The following KRT222 variants were observed in gnomAD, a reference collection of about 807,000 sequenced individuals.
KRT222 encodes keratin-like protein KRT222.
Under a neutral mutation model 35.0 loss-of-function variants are expected in KRT222, and 23 were observed. That is an observed-to-expected ratio of 0.66 (90% CI 0.47 to 0.93). The LOEUF (loss-of-function observed/expected upper bound fraction) is 0.93, where lower values mean the gene tolerates loss of function less well. Among genes scored for constraint, KRT222 ranks in the 40% least tolerant of loss-of-function variants. The pLI, the probability that KRT222 is intolerant of heterozygous loss-of-function variation, is 0.00. For missense variants in KRT222, 339 were observed against 346.3 expected, an observed-to-expected ratio of 0.98 and a Z score of 0.17; for synonymous variants, 108 against 118.8, an observed-to-expected ratio of 0.91 and a Z score of 0.59.
intron 1 of KRT222, among the ~76,000 whole-genome samples, chr17:40,664,077 C>T (rs1255607716): frequency 6.6e-6 from 1 of 151,654 alleles, no homozygotes; most frequent in Non-Finnish European, 1.5e-5. Context: ...CATTTTTCTA[C>T]CAATTTTTTT....
intron 3 of KRT222, 101 bp downstream of exon 3, chr17:40,659,886 A>G: frequency 3.2e-6 from 3 of 924,298 alleles, no homozygotes; most frequent in Middle Eastern, 3.4e-4. Context: ...CACCATGATG[A>G]TGATGGGGTT....
Position 40,657,745 on chromosome 17 carries a change from T to C in KRT222, c.452A>G (p.Tyr151Cys). Reference sequence around the variant, plus strand: ...TTTTTTCCCACCTTGGATACAACCATAATATCTGAAATCAGAAAGAATTTT... The same window carrying C: ...TTTTTTCCCACCTTGGATACAACCACAATATCTGAAATCAGAAAGAATTTT... Reference protein sequence around the residue: ...HLLEKEEIRYYGCIQGGKKDK... With the variant: ...HLLEKEEIRYCGCIQGGKKDK... Residue 151 changes from tyrosine (Y) to cysteine (C), a missense_variant, in exon 4 of 6, where the codon TAT (tyrosine) becomes TGT (cysteine). Transcript: ENST00000394052. 1 of 1,608,408 alleles carries C rather than the reference T, an allele frequency of 6.2e-7. No homozygotes were observed. Among genetic ancestry groups the C allele is most frequent in the Non-Finnish European group, 8.5e-7 (1 of 1,176,036 alleles).
At chr17:40,664,535 G>A (rs961811858) in intron 1 of KRT222, among the ~76,000 whole-genome samples, 2 of 152,088 alleles carry the variant, frequency 1.3e-5, no homozygotes, top group African/African-American at 2.4e-5. Context: ...GTATAAAATG[G>A]AACTCGTTAA....
chr17:40,663,587 C>T (rs1229845915), intron 1 of KRT222, among the ~76,000 whole-genome samples: 1 of 152,154 alleles, frequency 6.6e-6, no homozygotes, highest in Non-Finnish European at 1.5e-5. Context: ...TGCCCCAAGA[C>T]GATTGAGGTC....
chr17:40,659,689 G>T (rs2037369200), intron 3 of KRT222, among the ~76,000 whole-genome samples: 1 of 152,192 alleles, frequency 6.6e-6, no homozygotes, highest in Non-Finnish European at 1.5e-5. Flanking sequence ...CTCCCAAAGT[G>T]CTGGGATTAC....
rs751172736 is a variant in KRT222, at chr17:40,656,387, A to T, written c.*15T>A. 1.3e-5 allele frequency: 20 copies of T among 1,599,164 alleles called. No individual in the cohort carries two copies. In the South Asian group the frequency reaches 2.2e-4, roughly 18 times the overall value. On this transcript the variant is annotated 3_prime_UTR_variant, in exon 6 of 6. Coordinates refer to ENST00000394052, the MANE Select transcript of KRT222 (RefSeq NM_152349.3). ...ATCCTAACATTTTCCAATCAAGTCAAATACTATCTTTGGATTAATTAGCTG... is the reference window on the plus strand; with the variant it reads ...ATCCTAACATTTTCCAATCAAGTCATATACTATCTTTGGATTAATTAGCTG...
rs1468581574 is a variant in KRT222, at chr17:40,659,153, CTCTCT to C, written c.446+829_446+833del. On this transcript the variant is annotated intron_variant, in intron 3 of 5. Transcript: ENST00000394052. ...AGTTAGGAAAGGTCTCTCTCTCTCT[CTCTCT>C]TTTTTTTTTTTTTTTGAGGTGGAGT... Among the ~76,000 whole-genome samples the C allele has an allele frequency of 1.6e-4, 22 of 138,894 alleles. No individual in the cohort carries two copies. In the South Asian group the frequency reaches 2.7e-3, roughly 17 times the overall value. The allele number at this position is 138,894 out of a possible 152,430, so 91.1% of individuals were successfully genotyped here.
intron 5 of KRT222, among the ~76,000 whole-genome samples, chr17:40,656,887 A>T (rs2037348461): frequency 6.6e-6 from 1 of 152,132 alleles, no homozygotes; most frequent in Non-Finnish European, 1.5e-5. Context: ...CTCTTCCATG[A>T]GTTTTTATGT....
intron 1 of KRT222, 87 bp downstream of exon 1, chr17:40,664,917 T>C (rs1287802463): frequency 8.1e-6 from 13 of 1,597,258 alleles, no homozygotes; most frequent in Non-Finnish European, 1.1e-5. Context: ...AAGGAAATAC[T>C]GTACCTCAGA....
At position 40,659,978 on chromosome 17, in the gene KRT222, T is replaced by G; in HGVS notation, c.446+9A>C. ...GGCCCCTTGTCATTAACTAAATGGA[T>G]TTAGGTACCTGATTTCTTCTTTTTC... On this transcript the variant is annotated intron_variant, in intron 3 of 5. Transcript: ENST00000394052. 2 of 1,608,132 alleles carry G rather than the reference T, an allele frequency of 1.2e-6. No individual in the cohort carries two copies. Among genetic ancestry groups the G allele is most frequent in the Non-Finnish European group, 1.7e-6 (2 of 1,174,818 alleles).
chr17:40,657,573 CTTGT>C, intron 4 of KRT222, 86 bp from the exon 5 acceptor site: 1 of 1,394,580 alleles, frequency 7.2e-7, no homozygotes, highest in Non-Finnish European at 9.5e-7. Context: ...TCAAATATTG[CTTGT>C]TTTTTTTCGA....
In KRT222 at chr17:40,664,986, T is replaced by C. The variant is rs2037412062; in HGVS notation, c.96+18A>G. 2 of 1,613,888 alleles carry C rather than the reference T, an allele frequency of 1.2e-6. No homozygotes were observed. Among genetic ancestry groups the C allele is most frequent in the Non-Finnish European group, 1.7e-6 (2 of 1,179,966 alleles). On this transcript the variant is annotated intron_variant, in intron 1 of 5. Coordinates refer to ENST00000394052, the MANE Select transcript of KRT222 (RefSeq NM_152349.3). The stretch of plus-strand genomic sequence containing the variant: ...GTCTCCTTATTCTGGAAGGTGCCTG[T>C]CTGTATGAAATCATTACCTGGATCC...
rs1330317661 is a variant in KRT222, at chr17:40,660,169, C to T, written c.264G>A (p.Gln88=). The stretch of plus-strand genomic sequence containing the variant: ...GGTCTTGCAGCTGCATCTGGTAATG[C>T]TGCTCGCTGGCATGTAGGGAGTTTT... ...GLENSLHASE[Q]HYQMQLQDLE... is the part of the protein sequence containing the mutation. Residue 88 remains glutamine, a synonymous_variant, in exon 3 of 6, where the codon CAG becomes CAA. Transcript: ENST00000394052. 3.7e-6 allele frequency: 6 copies of T among 1,613,952 alleles called. No homozygotes were observed. The South Asian group carries it at 6.6e-5, about 18-fold the overall frequency.
At chr17:40,657,517 A>G (rs1269777307) in intron 4 of KRT222, 30 bp from the exon 5 acceptor site, 2 of 1,539,262 alleles carry the variant, frequency 1.3e-6, no homozygotes, top group African/African-American at 2.8e-5. Flanking sequence ...GATATATTAA[A>G]TTACAGTATT....
At position 40,657,460 on chromosome 17, in the gene KRT222, G is replaced by T; in HGVS notation, c.551C>A (p.Thr184Lys). The part of the protein sequence containing the change: ...SAIINEISFT[T>K]KVPQKYENEN... ...ATTCTCATACTTTTGTGGGACTTTT[G>T]TAGTAAAAGATATTTCATTTATAAT... Residue 184 changes from threonine to lysine, a missense_variant, in exon 5 of 6, where the codon ACA becomes AAA. Transcript: ENST00000394052. 6.2e-7 allele frequency: 1 copy of T among 1,604,688 alleles called. No individual in the cohort carries two copies.
At chr17:40,662,643 C>T (rs550764314) in intron 1 of KRT222, among the ~76,000 whole-genome samples, 1 of 152,096 alleles carries the variant, frequency 6.6e-6, no homozygotes, top group Non-Finnish European at 1.5e-5. Context: ...TTTTAAAAGG[C>T]ATATTAATTT....
chr17:40,657,351 C>A lies in KRT222; in HGVS notation c.659+1G>T, dbSNP rs763416600. 6.5e-7 allele frequency: 1 copy of A among 1,539,878 alleles called. No homozygotes were observed. Among genetic ancestry groups the A allele is most frequent in the Non-Finnish European group, 8.7e-7 (1 of 1,148,342 alleles). On this transcript the variant is annotated splice_donor_variant, in intron 5 of 5. Transcript: ENST00000394052. LOFTEE classifies it high-confidence loss of function. Reference sequence around the variant, plus strand: ...TTCTTAGTCAAAGTTTCTTTACTTACTGAATAGTGCCATGAGCTTCAGTGC... The same window carrying A: ...TTCTTAGTCAAAGTTTCTTTACTTAATGAATAGTGCCATGAGCTTCAGTGC...
rs148476018 is a variant in KRT222 at position 40,660,093 on chromosome 17, C to A, written c.340G>T (p.Gly114Cys). ...TGCTCTTGAAGCTGCTTTTCGATGC[C>A]GCGCCTTACTTCCTGTAGCTCTTTT... ...LEKELQEVRR[G>C]IEKQLQEHEM... The change falls in exon 3 of 6, where the codon GGC becomes TGC. Residue 114 changes from glycine to cysteine, a missense_variant. Coordinates refer to ENST00000394052, the MANE Select transcript of KRT222 (RefSeq NM_152349.3). 1.2e-6 allele frequency: 2 copies of A among 1,613,974 alleles called. No individual in the cohort carries two copies. The highest frequency in any genetic ancestry group is 2.7e-5 in the African/African-American group (2 of 74,892).
At chr17:40,660,764 A>AG (rs2037378611) in intron 2 of KRT222, among the ~76,000 whole-genome samples, 1 of 151,516 alleles carries the variant, frequency 6.6e-6, no homozygotes, top group South Asian at 2.1e-4. Context: ...ACTGAAAAAA[A>AG]AATCCTCTGC....
Sources: allele counts gnomAD v4.1 joint callset (sites outside exome capture counted in the v4.1 genomes callset), GRCh38; gene constraint gnomAD v4.1.1; transcripts MANE v1.5; gene names NCBI Gene and HGNC (gene_info 2026-07-23, HGNC 2026-07-21).